The following NIPSNAP2 variants were observed in gnomAD, a reference collection of about 807,000 sequenced individuals.
The protein encoded by NIPSNAP2 is protein NipSnap homolog 2.
NIPSNAP2 carries 42 observed loss-of-function variants against 48.4 expected under a neutral mutation model. The ratio of observed to expected loss-of-function variants is 0.87; its 90% confidence interval spans 0.68 to 1.12. The LOEUF is 1.12. NIPSNAP2 is among the 50% of genes most tolerant of loss of function. NIPSNAP2 has a pLI of 0.00. For synonymous variants in NIPSNAP2, 158 were observed against 126.6 expected (o/e 1.25, Z -1.67); for missense variants, 314 against 347.3 (o/e 0.90, Z 0.76).
chr7:55,988,771 A>G (rs555378950), intron 7 of NIPSNAP2, among the ~76,000 whole-genome samples: 1 of 152,180 alleles, frequency 6.6e-6, no homozygotes, highest in African/African-American at 2.4e-5. Flanking sequence ...AGGCTGAGGC[A>G]GGAGAATCGC....
In NIPSNAP2 at chr7:56,000,006, A is replaced by G. The variant is rs1787644758; in HGVS notation, c.*934A>G. ...TTTCATTTTTTAATATAGTATGCCA[A>G]TTTTGTGACTGTTACCATGTGAAAG... is the stretch of plus-strand genomic sequence containing the variant. On this transcript the variant is annotated 3_prime_UTR_variant, in exon 10 of 10. Transcript: ENST00000322090. The G allele has an allele frequency of 1.3e-5, 2 of 152,726 alleles. No homozygotes were observed. The highest frequency in any genetic ancestry group is 2.1e-4 in the South Asian group (1 of 4,822). The allele number at this position is 152,726 out of a possible 1,614,324, so 9.5% of individuals were successfully genotyped here. A position where few individuals can be genotyped will look rare whatever the true frequency, so the allele number is the denominator to read the frequency against.
At chr7:55,970,893 T>C (rs1787004015) in intron 1 of NIPSNAP2, among the ~76,000 whole-genome samples, 1 of 152,170 alleles carries the variant, frequency 6.6e-6, no homozygotes, top group Non-Finnish European at 1.5e-5. Flanking sequence ...GCCAAGCTGA[T>C]GGTGGGTTCA....
At chr7:55,994,782 A>G (rs1787523068) in intron 7 of NIPSNAP2, 112 bp from the exon 8 acceptor site, 8 of 810,880 alleles carry the variant, frequency 9.9e-6, no homozygotes, top group Non-Finnish European at 1.7e-5. Flanking sequence ...TTGATAAACC[A>G]TTAGTCTTCA....
At position 55,997,502 on chromosome 7, in the gene NIPSNAP2, G is replaced by A; in HGVS notation, c.796+53G>A. 10 of 1,374,098 alleles carry A rather than the reference G, an allele frequency of 7.3e-6. No homozygotes were observed. In the South Asian group the frequency reaches 1.0e-4, roughly 14 times the overall value. 85.1% of individuals were successfully genotyped at this position (1,374,098 alleles called of 1,614,324 possible). Reference sequence around the variant, plus strand: ...CTTTTTGTCTTACTGTTTCAATCATGTTCTTTCACCCTGACACTAATAGGT... The same window carrying A: ...CTTTTTGTCTTACTGTTTCAATCATATTCTTTCACCCTGACACTAATAGGT... On this transcript the variant is annotated intron_variant, in intron 9 of 9. Transcript: ENST00000322090.
intron 7 of NIPSNAP2, among the ~76,000 whole-genome samples, chr7:55,989,713 GA>G (rs979319821): frequency 1.5e-4 from 23 of 152,200 alleles, no homozygotes; most frequent in African/African-American, 5.5e-4. Context: ...GAAATGGAAA[GA>G]AAAACACTAG....
chr7:55,988,975 A>G (rs1252444978), intron 7 of NIPSNAP2, among the ~76,000 whole-genome samples: 1 of 152,190 alleles, frequency 6.6e-6, no homozygotes, highest in African/African-American at 2.4e-5. Flanking sequence ...AGTGTTTCTT[A>G]TACAAGAATC....
At chr7:55,986,983 T>TTAAA (rs1554343490) in intron 7 of NIPSNAP2, among the ~76,000 whole-genome samples, 3,377 of 54,772 alleles carry the variant, frequency 0.062, 223 homozygotes, top group East Asian at 0.29. Flanking sequence ...CCTGTCTCTA[T>TTAAA]AAAAAAAAAA....
In NIPSNAP2 at chr7:55,982,199, A is replaced by G. The variant is rs549792039; in HGVS notation, c.374-11A>G. The G allele has an allele frequency of 1.3e-6, 2 of 1,577,210 alleles. No individual in the cohort carries two copies. Among genetic ancestry groups the G allele is most frequent in the Non-Finnish European group, 1.7e-6 (2 of 1,147,456 alleles). ...TTCTAAACGTATACTGTCTTTTAAA[A>G]TGCATTTCAGTCCACCTCTGGAGGT... On this transcript the variant is annotated splice_polypyrimidine_tract_variant and intron_variant, in intron 4 of 9. Coordinates refer to ENST00000322090, the MANE Select transcript of NIPSNAP2 (RefSeq NM_001483.3).
chr7:55,994,583 G>T (rs1434518477), intron 7 of NIPSNAP2, among the ~76,000 whole-genome samples: 1 of 151,986 alleles, frequency 6.6e-6, no homozygotes, highest in Admixed American at 6.6e-5. Flanking sequence ...CATGGTGGCG[G>T]GTGCCTGTAA....
chr7:55,966,709 G>A (rs1481519642), intron 1 of NIPSNAP2, among the ~76,000 whole-genome samples: 3 of 152,184 alleles, frequency 2.0e-5, no homozygotes, highest in Admixed American at 6.5e-5. Flanking sequence ...TTGAACCTGG[G>A]AGGTGGAGGT....
rs115203605 is a variant in NIPSNAP2, at chr7:55,985,583, A to G, written c.617+705A>G. Among the ~76,000 whole-genome samples the G allele has an allele frequency of 8.7e-3, 1,320 of 151,838 alleles. 21 individuals are homozygous for G. The highest frequency in any genetic ancestry group is 0.03 in the African/African-American group (1,258 of 41,380). Reference sequence around the variant, plus strand: ...AAGACCCCCAACCTCTACCAAAATAAATAAATAAATAAAACTAGCCAGGTG... The same window carrying G: ...AAGACCCCCAACCTCTACCAAAATAGATAAATAAATAAAACTAGCCAGGTG... On this transcript the variant is annotated intron_variant, in intron 7 of 9. Transcript: ENST00000322090.
intron 1 of NIPSNAP2, among the ~76,000 whole-genome samples, chr7:55,968,720 G>C (rs1786950356): frequency 6.6e-6 from 1 of 152,094 alleles, no homozygotes; most frequent in African/African-American, 2.4e-5. Context: ...AAATGGTTCA[G>C]TAGAAATTAA....
intron 5 of NIPSNAP2, among the ~76,000 whole-genome samples, chr7:55,982,852 G>A (rs1048155606): frequency 3.9e-5 from 6 of 151,952 alleles, no homozygotes; most frequent in Non-Finnish European, 7.4e-5. Flanking sequence ...GCTGGGTGCG[G>A]TAACTCATGC....
rs201857257 is a variant in NIPSNAP2 at position 55,983,756 on chromosome 7, G to A, written c.473G>A (p.Ser158Asn). 9 of 1,614,010 alleles carry A rather than the reference G, an allele frequency of 5.6e-6. No individual in the cohort carries two copies. The East Asian group carries it at 1.3e-4, about 24-fold the overall frequency. The part of the protein sequence containing the change: ...KEFLEFRKAR[S>N]DMLLSRKNQL... ...TTTTTGGAATTTCGTAAGGCAAGAA[G>A]TGACATGCTTCTCTCCAGGAAGAAT... Residue 158 changes from serine (S) to asparagine (N), a missense_variant, in exon 6 of 10, where the codon AGT becomes AAT. Physicochemically the swap from Ser to Asn is conservative, Grantham distance 46. This residue lies in a region of NIPSNAP2 where 198 missense variants were observed against 185.5 expected (regional missense o/e 1.07). Coordinates refer to ENST00000322090, the MANE Select transcript of NIPSNAP2 (RefSeq NM_001483.3).
chr7:55,982,404 G>T (rs1176661130), intron 5 of NIPSNAP2, 124 bp downstream of exon 5: 1 of 624,332 alleles, frequency 1.6e-6, no homozygotes, highest in Non-Finnish European at 2.9e-6. Context: ...AAATTTTATT[G>T]TTTGGACTCC....
At chr7:55,967,017 G>C (rs1164192028) in intron 1 of NIPSNAP2, among the ~76,000 whole-genome samples, 1 of 152,252 alleles carries the variant, frequency 6.6e-6, no homozygotes, top group Non-Finnish European at 1.5e-5. Context: ...TGCTGAATCA[G>C]TTTCAGCAAG....
At position 55,986,031 on chromosome 7, in the gene NIPSNAP2, G is replaced by C. The variant is rs556604237; in HGVS notation, c.617+1153G>C. Among the ~76,000 whole-genome samples the C allele has an allele frequency of 2.6e-5, 4 of 152,096 alleles. No homozygotes were observed. In the East Asian group the frequency reaches 7.8e-4, roughly 29 times the overall value. Reference sequence around the variant, plus strand: ...CCACTGTGCTCTAGCCTAGGTGACAGAGTGAGACTCCTTTTCAAAAAAATA... The same window carrying C: ...CCACTGTGCTCTAGCCTAGGTGACACAGTGAGACTCCTTTTCAAAAAAATA... On this transcript the variant is annotated intron_variant, in intron 7 of 9. Transcript: ENST00000322090.
intron 7 of NIPSNAP2, among the ~76,000 whole-genome samples, chr7:55,987,005 A>AAC (rs1787345174): frequency 1.4e-5 from 2 of 143,756 alleles, no homozygotes; most frequent in Non-Finnish European, 3.1e-5. Flanking sequence ...AAAAAAAAAA[A>AAC]AAAAACTTGC....
At chr7:55,976,711 C>G (rs1787113453) in intron 1 of NIPSNAP2, among the ~76,000 whole-genome samples, 1 of 152,090 alleles carries the variant, frequency 6.6e-6, no homozygotes, top group Non-Finnish European at 1.5e-5. Flanking sequence ...CATAGCAAGA[C>G]CCCATCTCTA....
Sources: gnomAD v4.1 joint callset for allele counts (sites outside exome capture counted in the v4.1 genomes callset) on GRCh38, gnomAD v4.1.1 for gene constraint, gnomAD v4.1.1 regional missense constraint, MANE v1.5 for transcripts, NCBI Gene and HGNC (gene_info 2026-07-23, HGNC 2026-07-21) for gene names.